The following ASIC2 variants were observed in gnomAD, a reference collection of about 807,000 sequenced individuals.
The protein encoded by ASIC2 is acid sensing ion channel subunit 2.
Under a neutral mutation model 57.3 loss-of-function variants are expected in ASIC2, and 25 were observed. That is an observed-to-expected ratio of 0.44 (90% CI 0.32 to 0.61). ASIC2 has a LOEUF of 0.61. Ranked by LOEUF, ASIC2 falls within the 20% of genes least tolerant of loss-of-function variation. The probability of loss-of-function intolerance (pLI) is 0.06; values close to 1 mark genes in which losing one functional copy is unlikely to be tolerated. For synonymous variants in ASIC2, 319 were observed against 307.5 expected (o/e 1.04, Z -0.39); for missense variants, 641 against 738.1 (o/e 0.87, Z 1.52).
At chr17:34,129,982 C>A (rs1911902548) in intron 1 of ASIC2, among the ~76,000 whole-genome samples, 1 of 152,220 alleles carries the variant, frequency 6.6e-6, no homozygotes, top group African/African-American at 2.4e-5. Flanking sequence ...GCAGGAAGTA[C>A]TGTCATCCAA....
chr17:33,976,229 T>C (rs1567775708), intron 1 of ASIC2, among the ~76,000 whole-genome samples: 1 of 151,928 alleles, frequency 6.6e-6, no homozygotes, highest in Non-Finnish European at 1.5e-5. Flanking sequence ...TTTAACAATA[T>C]GATTCATCTA....
At chr17:33,075,953 T>G (rs936866121) in intron 3 of ASIC2, among the ~76,000 whole-genome samples, 1 of 152,142 alleles carries the variant, frequency 6.6e-6, no homozygotes, top group Non-Finnish European at 1.5e-5. Context: ...AAGGAACAGT[T>G]AAAAACGGCT....
intron 1 of ASIC2, among the ~76,000 whole-genome samples, chr17:33,197,606 C>G (rs1906686111): frequency 6.6e-6 from 1 of 152,254 alleles, no homozygotes; most frequent in African/African-American, 2.4e-5. Flanking sequence ...AATGCACCCT[C>G]TCCTCCCAAG....
chr17:33,073,371 C>T (rs913982819), intron 3 of ASIC2, among the ~76,000 whole-genome samples: 6 of 152,302 alleles, frequency 3.9e-5, no homozygotes, highest in Admixed American at 3.9e-4. Context: ...GGTCCCTTTG[C>T]TGGCCTGCGA....
At chr17:33,190,791 T>C (rs1313146187) in intron 1 of ASIC2, among the ~76,000 whole-genome samples, 3 of 152,024 alleles carry the variant, frequency 2.0e-5, no homozygotes, top group Admixed American at 6.6e-5. Context: ...CTAAGCACCA[T>C]TATAATGGCT....
intron 1 of ASIC2, among the ~76,000 whole-genome samples, chr17:33,374,373 T>C (rs1485335294): frequency 6.6e-6 from 1 of 152,098 alleles, no homozygotes; most frequent in East Asian, 1.9e-4. Flanking sequence ...CATGACTCAA[T>C]GGGTCCCGTG....
intron 1 of ASIC2, among the ~76,000 whole-genome samples, chr17:33,604,516 A>G (rs866717581): frequency 4.6e-5 from 7 of 152,208 alleles, no homozygotes; most frequent in African/African-American, 1.4e-4. Context: ...TGGCATGGCA[A>G]ACAGTTGTGG....
Position 33,099,676 on chromosome 17 carries a change from C to T in ASIC2, c.860-10686G>A, listed in dbSNP as rs114747741. 5.8e-3 allele frequency among the ~76,000 whole-genome samples: 880 copies of T among 152,234 alleles called. 5 individuals are homozygous for T. The highest frequency in any genetic ancestry group is 0.02 in the African/African-American group (845 of 41,552). On this transcript the variant is annotated intron_variant, in intron 2 of 9. Transcript: ENST00000225823. ...GATTATAAATTACTTGATAAGAAGG[C>T]TGATGATTCTGGGTGGGTAACTGGT...
chr17:33,367,311 C>T lies in ASIC2; in HGVS notation c.556-255244G>A, dbSNP rs373883713. On this transcript the variant is annotated intron_variant, in intron 1 of 9. Coordinates refer to the ASIC2 transcript ENST00000359872. Reference sequence around the variant, plus strand: ...GTAACATACAAAGTACTAAACTCCACGAACTCCCTTAAGGAACTCTGGTGT... The same window carrying T: ...GTAACATACAAAGTACTAAACTCCATGAACTCCCTTAAGGAACTCTGGTGT... Among the ~76,000 whole-genome samples the T allele has an allele frequency of 3.4e-4, 52 of 152,336 alleles. No homozygotes were observed. The South Asian group carries it at 9.5e-3, about 28-fold the overall frequency.
chr17:33,994,871 T>C (rs1025859401), intron 1 of ASIC2, among the ~76,000 whole-genome samples: 4 of 152,090 alleles, frequency 2.6e-5, no homozygotes, highest in African/African-American at 7.2e-5. Flanking sequence ...TTCTGAAGGA[T>C]TGGGGACAAT....
chr17:33,342,196 C>A (rs538520165), intron 1 of ASIC2, among the ~76,000 whole-genome samples: 20 of 152,110 alleles, frequency 1.3e-4, no homozygotes, highest in Non-Finnish European at 2.6e-4. Flanking sequence ...GGATAAGGTC[C>A]CTCCCAGGAG....
At chr17:33,535,904 A>T (rs899806278) in intron 1 of ASIC2, among the ~76,000 whole-genome samples, 1 of 152,208 alleles carries the variant, frequency 6.6e-6, no homozygotes, top group Non-Finnish European at 1.5e-5. Context: ...AGAGACATCA[A>T]CTTAAATTGG....
At chr17:33,480,919 C>T (rs1458747269) in intron 1 of ASIC2, among the ~76,000 whole-genome samples, 1 of 152,204 alleles carries the variant, frequency 6.6e-6, no homozygotes, top group Non-Finnish European at 1.5e-5. Flanking sequence ...CCTGGTCCCT[C>T]ACTTAGTTCT....
intron 1 of ASIC2, among the ~76,000 whole-genome samples, chr17:33,439,167 C>G (rs2011762783): frequency 6.6e-6 from 1 of 152,176 alleles, no homozygotes; most frequent in Admixed American, 6.5e-5. Flanking sequence ...TCTTGCAGTG[C>G]TGTGGCACTG....
chr17:34,092,526 C>G (rs1488672125), intron 1 of ASIC2, among the ~76,000 whole-genome samples: 1 of 152,140 alleles, frequency 6.6e-6, no homozygotes, highest in Non-Finnish European at 1.5e-5. Flanking sequence ...GCCCTGTAGG[C>G]ACCCTATGGG....
chr17:33,148,644 C>A (rs1342348322), intron 1 of ASIC2, among the ~76,000 whole-genome samples: 1 of 152,166 alleles, frequency 6.6e-6, no homozygotes, highest in African/African-American at 2.4e-5. Flanking sequence ...TTCCATACTT[C>A]TTTATTATGA....
At chr17:33,866,589 T>C (rs1396310853) in intron 1 of ASIC2, among the ~76,000 whole-genome samples, 1 of 152,214 alleles carries the variant, frequency 6.6e-6, no homozygotes, top group Non-Finnish European at 1.5e-5. Flanking sequence ...TCCAGGTTTC[T>C]TAAGTTAATT....
At chr17:33,279,432 C>A (rs953839187) in intron 1 of ASIC2, among the ~76,000 whole-genome samples, 3 of 152,142 alleles carry the variant, frequency 2.0e-5, no homozygotes, top group Non-Finnish European at 4.4e-5. Flanking sequence ...AGTGACTTAG[C>A]TTTGTGACTT....
At chr17:33,848,926 T>C (rs1460431217) in intron 1 of ASIC2, among the ~76,000 whole-genome samples, 1 of 152,240 alleles carries the variant, frequency 6.6e-6, no homozygotes, top group East Asian at 1.9e-4. Context: ...ATTCTACAGC[T>C]AAGAAAAAGG....
Sources: allele counts gnomAD v4.1 joint callset (sites outside exome capture counted in the v4.1 genomes callset), GRCh38; gene constraint gnomAD v4.1.1; transcripts MANE v1.5; gene names NCBI Gene and HGNC (gene_info 2026-07-23, HGNC 2026-07-21).